TBC1D5: variants seen among roughly 807,000 people sequenced by gnomAD.
The protein encoded by TBC1D5 is TBC1 domain family, member 5.
A neutral mutation model predicts 100.3 loss-of-function variants in TBC1D5; 75 were observed. The ratio of observed to expected loss-of-function variants is 0.75; its 90% CI spans 0.62 to 0.91. The LOEUF is 0.91. TBC1D5 is among the 40% of genes least tolerant of loss of function. The pLI is 0.00. For missense variants in TBC1D5, 910 were observed against 942.4 expected (o/e 0.97, Z 0.45); for synonymous variants, 323 against 325.6 (o/e 0.99, Z 0.09).
At chr3:17,521,094 G>A (rs922319815) in intron 2 of TBC1D5, among the ~76,000 whole-genome samples, 3 of 152,210 alleles carry the variant, frequency 2.0e-5, no homozygotes, top group African/African-American at 7.2e-5. Context: ...AAACTTCTTA[G>A]TGGAAACCAT....
chr3:17,303,831 CTCTTT>C, intron 14 of TBC1D5, among the ~76,000 whole-genome samples: 1 of 132,492 alleles, frequency 7.5e-6, no homozygotes, highest in Non-Finnish European at 1.5e-5. Flanking sequence ...CACAATCTAC[CTCTTT>C]TTTTTTTTTT....
intron 3 of TBC1D5, among the ~76,000 whole-genome samples, chr3:17,451,886 G>A (rs1251937113): frequency 1.3e-5 from 2 of 151,928 alleles, no homozygotes; most frequent in African/African-American, 2.4e-5. Flanking sequence ...GACCACCATC[G>A]CACTCCAGCC....
intron 1 of TBC1D5, among the ~76,000 whole-genome samples, chr3:17,698,834 C>A (rs2072619374): frequency 6.8e-6 from 1 of 146,504 alleles, no homozygotes; most frequent in East Asian, 2.2e-4. Flanking sequence ...CAAATCAAAA[C>A]CACATGAGAT....
intron 13 of TBC1D5, among the ~76,000 whole-genome samples, chr3:17,335,094 T>C (rs1486005353): frequency 6.6e-6 from 1 of 152,180 alleles, no homozygotes; most frequent in African/African-American, 2.4e-5. Context: ...TTACTTCTTA[T>C]AAGAGCTTCT....
At chr3:17,226,057 T>C (rs2148773155) in intron 17 of TBC1D5, among the ~76,000 whole-genome samples, 1 of 151,646 alleles carries the variant, frequency 6.6e-6, no homozygotes, top group South Asian at 2.1e-4. Context: ...CTGTATTTCC[T>C]CTGGAGATAC....
chr3:17,276,475 T>A (rs1237544329), intron 15 of TBC1D5, among the ~76,000 whole-genome samples: 1 of 152,202 alleles, frequency 6.6e-6, no homozygotes, highest in Non-Finnish European at 1.5e-5. Context: ...CACTGCAGAC[T>A]GAGAAAGAGA....
chr3:17,618,964 T>C (rs751417479), intron 2 of TBC1D5, among the ~76,000 whole-genome samples: 1 of 152,174 alleles, frequency 6.6e-6, no homozygotes, highest in Non-Finnish European at 1.5e-5. Context: ...GAAATGCAGA[T>C]ATCACCCGTC....
intron 2 of TBC1D5, among the ~76,000 whole-genome samples, chr3:17,564,749 T>G (rs1159248841): frequency 2.0e-5 from 3 of 152,150 alleles, no homozygotes; most frequent in Non-Finnish European, 4.4e-5. Context: ...AATGGCTATC[T>G]TTTTTTCCTA....
chr3:17,482,636 G>T (rs115973107), intron 3 of TBC1D5, among the ~76,000 whole-genome samples: 9,209 of 152,244 alleles, frequency 0.06, 527 homozygotes, highest in African/African-American at 0.15. Flanking sequence ...AACTAAGTTG[G>T]TCTTTATTTG....
At chr3:17,366,022 G>C (rs2092103021) in intron 13 of TBC1D5, among the ~76,000 whole-genome samples, 1 of 152,104 alleles carries the variant, frequency 6.6e-6, no homozygotes, top group South Asian at 2.1e-4. Flanking sequence ...AGGTGTGCTG[G>C]CTCACACCTG....
chr3:17,714,130 T>C (rs564591994), intron 1 of TBC1D5, among the ~76,000 whole-genome samples: 24 of 152,308 alleles, frequency 1.6e-4, no homozygotes, highest in Non-Finnish European at 2.6e-4. Flanking sequence ...TTGGAAATTA[T>C]TGTGTATATC....
chr3:17,615,315 T>G (rs2062051935), intron 2 of TBC1D5, among the ~76,000 whole-genome samples: 1 of 152,250 alleles, frequency 6.6e-6, no homozygotes, highest in African/African-American at 2.4e-5. Context: ...TTTGCATCGA[T>G]GATCATCAGG....
chr3:17,567,666 A>G (rs1437444872), intron 2 of TBC1D5, among the ~76,000 whole-genome samples: 1 of 151,712 alleles, frequency 6.6e-6, no homozygotes, highest in Non-Finnish European at 1.5e-5. Flanking sequence ...GTACCTTACC[A>G]TATGTACACA....
At chr3:17,283,373 T>C (rs2080816866) in intron 15 of TBC1D5, among the ~76,000 whole-genome samples, 1 of 152,140 alleles carries the variant, frequency 6.6e-6, no homozygotes, top group African/African-American at 2.4e-5. Flanking sequence ...AAGCTCTCAG[T>C]TTGGTAGATG....
intron 2 of TBC1D5, among the ~76,000 whole-genome samples, chr3:17,548,048 C>T (rs1315851797): frequency 6.6e-6 from 1 of 152,194 alleles, no homozygotes; most frequent in African/African-American, 2.4e-5. Context: ...GGCATGGTGG[C>T]TCATGCCTGT....
At chr3:17,295,876 A>G (rs1355635860) in intron 14 of TBC1D5, among the ~76,000 whole-genome samples, 1 of 152,126 alleles carries the variant, frequency 6.6e-6, no homozygotes, top group East Asian at 1.9e-4. Flanking sequence ...AGTCCTCCTA[A>G]TTCCCCCTAA....
intron 1 of TBC1D5, among the ~76,000 whole-genome samples, chr3:17,649,552 T>C (rs2065337473): frequency 6.6e-6 from 1 of 152,244 alleles, no homozygotes; most frequent in African/African-American, 2.4e-5. Flanking sequence ...GTGCTCATTA[T>C]CACTGGTCAT....
At chr3:17,334,342 C>T (rs1409923743) in intron 13 of TBC1D5, among the ~76,000 whole-genome samples, 1 of 152,100 alleles carries the variant, frequency 6.6e-6, no homozygotes, top group Non-Finnish European at 1.5e-5. Context: ...AATTATCAGA[C>T]TATGTATATA....
At chr3:17,361,588 A>T (rs530507729) in intron 13 of TBC1D5, among the ~76,000 whole-genome samples, 1 of 152,200 alleles carries the variant, frequency 6.6e-6, no homozygotes, top group South Asian at 2.1e-4. Context: ...ATAAATTTTT[A>T]AAAGATATCA....
Sources: allele counts gnomAD v4.1 joint callset (sites outside exome capture counted in the v4.1 genomes callset), GRCh38; gene constraint gnomAD v4.1.1; transcripts MANE v1.5; gene names NCBI Gene and HGNC (gene_info 2026-07-23, HGNC 2026-07-21).